The following LYAR variants were observed in gnomAD, a reference collection of about 807,000 sequenced individuals.
The protein encoded by LYAR is cell growth-regulating nucleolar protein.
LYAR carries 37 observed loss-of-function variants against 45.2 expected under a neutral mutation model. That is an observed-to-expected ratio of 0.82 (90% CI 0.63 to 1.08). The LOEUF is 1.08. Ranked by LOEUF, LYAR falls within the 50% of genes least tolerant of loss-of-function variation. LYAR has a pLI of 0.00. For synonymous variants in LYAR, 176 were observed against 155.1 expected, an observed-to-expected ratio of 1.14 and a Z score of -1.00; for missense variants, 493 against 451.0, an observed-to-expected ratio of 1.09 and a Z score of -0.84.
chr4:4,271,936 C>A (rs1215549003), intron 8 of LYAR, among the ~76,000 whole-genome samples: 2 of 152,196 alleles, frequency 1.3e-5, no homozygotes, highest in African/African-American at 4.8e-5. Context: ...AGTTCAGCAA[C>A]CTGGGTGAAT....
intron 2 of LYAR, among the ~76,000 whole-genome samples, chr4:4,285,160 A>C (rs138840146): frequency 1.2e-3 from 187 of 152,264 alleles, no homozygotes; most frequent in African/African-American, 4.4e-3. Flanking sequence ...TACGCTACAT[A>C]CAAACCACAG....
At chr4:4,275,143 T>C (rs901712627) in intron 6 of LYAR, among the ~76,000 whole-genome samples, 5 of 152,126 alleles carry the variant, frequency 3.3e-5, no homozygotes, top group African/African-American at 9.7e-5. Context: ...CAGACCTGGG[T>C]TCAAGCTCCA....
At chr4:4,287,639 C>A (rs1314114370) in intron 1 of LYAR, among the ~76,000 whole-genome samples, 3 of 152,108 alleles carry the variant, frequency 2.0e-5, no homozygotes, top group Admixed American at 2.0e-4. Context: ...GTGAACTGCC[C>A]GAAGTCACAG....
At chr4:4,272,921 T>A in intron 8 of LYAR, among the ~76,000 whole-genome samples, 1 of 151,606 alleles carries the variant, frequency 6.6e-6, no homozygotes. Flanking sequence ...TCCCGACAGG[T>A]ATGAGTGCTT....
chr4:4,279,780 T>C, intron 4 of LYAR, 31 bp from the exon 5 acceptor site: 1 of 1,384,286 alleles, frequency 7.2e-7, no homozygotes. Context: ...AGAAAAACTA[T>C]TAATAAACAA....
chr4:4,272,582 T>TC (rs1718979254), intron 8 of LYAR, among the ~76,000 whole-genome samples: 1 of 152,234 alleles, frequency 6.6e-6, no homozygotes, highest in South Asian at 2.1e-4. Context: ...TCTGTGTCTC[T>TC]CTAAATATCT....
At chr4:4,279,603 G>T in intron 5 of LYAR, 39 bp downstream of exon 5, 2 of 1,573,988 alleles carry the variant, frequency 1.3e-6, no homozygotes, top group Non-Finnish European at 1.7e-6. Context: ...TCACTGATGG[G>T]CCACACGGCC....
chr4:4,275,032 T>C (rs2920218), intron 6 of LYAR, among the ~76,000 whole-genome samples: 39 of 152,348 alleles, frequency 2.6e-4, no homozygotes, highest in African/African-American at 7.7e-4. Flanking sequence ...AGAATCCTTA[T>C]GTCGCTGAAG....
intron 6 of LYAR, among the ~76,000 whole-genome samples, chr4:4,279,210 AC>A (rs2108845969): frequency 6.6e-6 from 1 of 152,124 alleles, no homozygotes; most frequent in African/African-American, 2.4e-5. Flanking sequence ...GCTCGTGCCT[AC>A]AGTCCCAGCT....
chr4:4,272,581 C>T (rs962092087), intron 8 of LYAR, among the ~76,000 whole-genome samples: 2 of 152,190 alleles, frequency 1.3e-5, no homozygotes, highest in Non-Finnish European at 2.9e-5. Context: ...CTCTGTGTCT[C>T]TCTAAATATC....
chr4:4,281,636 G>A, intron 4 of LYAR, 147 bp downstream of exon 4: 1 of 630,122 alleles, frequency 1.6e-6, no homozygotes, highest in East Asian at 2.6e-5. Flanking sequence ...TCTTTTTCAA[G>A]AGGTTTTAGT....
At chr4:4,274,109 C>T (rs1719069963) in intron 7 of LYAR, among the ~76,000 whole-genome samples, 2 of 152,096 alleles carry the variant, frequency 1.3e-5, no homozygotes, top group South Asian at 4.1e-4. Context: ...TGGTGACACA[C>T]GTCTGTAATC....
intron 8 of LYAR, among the ~76,000 whole-genome samples, chr4:4,271,541 C>A (rs945903781): frequency 6.6e-6 from 1 of 152,172 alleles, no homozygotes; most frequent in Non-Finnish European, 1.5e-5. Context: ...AACAGTGGGG[C>A]TGCTGGATTG....
At chr4:4,271,548 A>C (rs1718933848) in intron 8 of LYAR, among the ~76,000 whole-genome samples, 1 of 152,142 alleles carries the variant, frequency 6.6e-6, no homozygotes, top group South Asian at 2.1e-4. Context: ...GGGCTGCTGG[A>C]TTGGACGGGA....
chr4:4,267,802 AGTT>A lies in LYAR; in HGVS notation c.*84_*86del. On this transcript the variant is annotated 3_prime_UTR_variant, in exon 10 of 10. Transcript: ENST00000343470. ...ATACAGCTTCAAAAAGCAAAATTTG[AGTT>A]GTTAGAATTCATTACACATTTTATA... The A allele has an allele frequency of 8.8e-7, 1 of 1,141,180 alleles. No individual in the cohort carries two copies. The highest frequency in any genetic ancestry group is 1.2e-6 in the Non-Finnish European group (1 of 862,022). The allele number at this position is 1,141,180 out of a possible 1,614,324, so 70.7% of individuals were successfully genotyped here.
intron 8 of LYAR, among the ~76,000 whole-genome samples, chr4:4,271,008 G>C (rs1718909122): frequency 1.3e-5 from 2 of 152,058 alleles, no homozygotes; most frequent in Non-Finnish European, 2.9e-5. Flanking sequence ...TTATCCTTTT[G>C]TGTTACAAAC....
chr4:4,280,617 G>A (rs1470879235), intron 4 of LYAR, among the ~76,000 whole-genome samples: 1 of 152,200 alleles, frequency 6.6e-6, no homozygotes, highest in African/African-American at 2.4e-5. Flanking sequence ...GGAACTCACA[G>A]ACCCATGCAC....
At chr4:4,276,578 C>T (rs1239912524) in intron 6 of LYAR, among the ~76,000 whole-genome samples, 2 of 148,002 alleles carry the variant, frequency 1.4e-5, no homozygotes, top group Admixed American at 6.8e-5. Context: ...TACTGTAGGC[C>T]GGGTGCGGTG....
chr4:4,289,875 C>G (rs1189316279), intron 1 of LYAR, 161 bp downstream of exon 1: 1 of 152,268 alleles, frequency 6.6e-6, no homozygotes, highest in Non-Finnish European at 1.5e-5. Context: ...CACCCTAAGT[C>G]CAGGACTCCT....
Sources: gnomAD v4.1 joint callset for allele counts (sites outside exome capture counted in the v4.1 genomes callset) on GRCh38, gnomAD v4.1.1 for gene constraint, MANE v1.5 for transcripts, NCBI Gene and HGNC (gene_info 2026-07-23, HGNC 2026-07-21) for gene names.